Variants in BCAR3 observed in about 807,000 individuals in gnomAD.
BCAR3 encodes breast cancer anti-estrogen resistance protein 3.
Under a neutral mutation model 80.1 loss-of-function variants are expected in BCAR3, and 37 were observed. That is an observed-to-expected ratio of 0.46 (90% CI 0.36 to 0.61). The LOEUF (loss-of-function observed/expected upper bound fraction) is 0.61. Among genes scored for constraint, BCAR3 ranks in the 20% least tolerant of loss-of-function variants. The pLI is 0.00. For synonymous variants in BCAR3, 389 were observed against 418.9 expected (o/e 0.93, Z 0.87); for missense variants, 978 against 1,068.2 (o/e 0.92, Z 1.18).
intron 2 of BCAR3, among the ~76,000 whole-genome samples, chr1:93,816,513 A>G (rs952261270): frequency 1.3e-5 from 2 of 151,738 alleles, no homozygotes; most frequent in African/African-American, 4.8e-5. Flanking sequence ...TCTACTAAAA[A>G]TACAAAAATT....
chr1:93,629,632 T>C (rs1162835206), intron 3 of BCAR3, among the ~76,000 whole-genome samples: 1 of 152,218 alleles, frequency 6.6e-6, no homozygotes, highest in African/African-American at 2.4e-5. Flanking sequence ...AGCCAAATGC[T>C]GAACTGTTGT....
intron 3 of BCAR3, among the ~76,000 whole-genome samples, chr1:93,626,122 T>G (rs1055742875): frequency 2.6e-5 from 4 of 152,238 alleles, no homozygotes; most frequent in Non-Finnish European, 5.9e-5. Flanking sequence ...TTATGTTACA[T>G]AGAGTTAGCA....
intron 2 of BCAR3, among the ~76,000 whole-genome samples, chr1:93,761,638 C>G (rs1242047258): frequency 6.6e-6 from 1 of 152,178 alleles, no homozygotes; most frequent in Non-Finnish European, 1.5e-5. Context: ...CTCAGCCATC[C>G]CAGCTGGGGC....
At chr1:93,822,174 TG>T (rs1283802982) in intron 2 of BCAR3, among the ~76,000 whole-genome samples, 11 of 149,642 alleles carry the variant, frequency 7.4e-5, no homozygotes, top group South Asian at 2.1e-4. Flanking sequence ...ATCTTTGTGA[TG>T]TTTTTTTTTT....
At chr1:93,598,416 A>T (rs924016356) in intron 3 of BCAR3, among the ~76,000 whole-genome samples, 1 of 152,178 alleles carries the variant, frequency 6.6e-6, no homozygotes, top group Non-Finnish European at 1.5e-5. Flanking sequence ...CCTAGTTCCC[A>T]CAGGATTTTA....
intron 2 of BCAR3, among the ~76,000 whole-genome samples, chr1:93,832,000 C>G (rs1306584500): frequency 6.6e-6 from 1 of 152,172 alleles, no homozygotes; most frequent in Non-Finnish European, 1.5e-5. Flanking sequence ...GGCAACAACC[C>G]TTAGATGCTT....
intron 2 of BCAR3, among the ~76,000 whole-genome samples, chr1:93,760,227 A>T (rs757521919): frequency 2.6e-5 from 4 of 152,142 alleles, no homozygotes; most frequent in Admixed American, 1.3e-4. Context: ...CATCTAAGAG[A>T]CAAATAGGGG....
intron 3 of BCAR3, among the ~76,000 whole-genome samples, chr1:93,704,070 T>C (rs1255480030): frequency 6.6e-6 from 1 of 152,240 alleles, no homozygotes; most frequent in Non-Finnish European, 1.5e-5. Context: ...ATTTCCATCA[T>C]CACAGAAATT....
rs189180417 is a variant in BCAR3, at chr1:93,817,383, A to G, written c.-63+28184T>C. Among the ~76,000 whole-genome samples the G allele has an allele frequency of 3.7e-4, 57 of 152,316 alleles. No individual in the cohort carries two copies. The East Asian group carries it at 0.01, about 28-fold the overall frequency. ...GTCACTTCCATGGTTTTTGAAAGCT[A>G]CCATTTATTGAGCACTGTGCTAAGT... On this transcript the variant is annotated intron_variant, in intron 2 of 13. Coordinates refer to the BCAR3 transcript ENST00000370244.
chr1:93,715,262 T>C (rs911700792), intron 2 of BCAR3, among the ~76,000 whole-genome samples: 1 of 152,274 alleles, frequency 6.6e-6, no homozygotes, highest in African/African-American at 2.4e-5. Flanking sequence ...TTTCTTTTTT[T>C]GTTTTGAACA....
intron 2 of BCAR3, chr1:93,753,571 C>T: frequency 6.5e-6 from 1 of 153,460 alleles, no homozygotes; most frequent in Non-Finnish European, 1.4e-5. Flanking sequence ...CACACACACA[C>T]ACACACACAC....
intron 2 of BCAR3, among the ~76,000 whole-genome samples, chr1:93,807,917 C>T (rs1233367723): frequency 1.3e-5 from 2 of 151,806 alleles, no homozygotes; most frequent in African/African-American, 4.8e-5. Flanking sequence ...GACCTGTAGT[C>T]CCAGCTACTT....
At chr1:93,626,687 C>T (rs1675466771) in intron 3 of BCAR3, among the ~76,000 whole-genome samples, 4 of 152,168 alleles carry the variant, frequency 2.6e-5, no homozygotes, top group Admixed American at 2.6e-4. Context: ...AGAAAAATAG[C>T]CAGTTCCACC....
At chr1:93,839,810 A>G (rs1342593483) in intron 2 of BCAR3, among the ~76,000 whole-genome samples, 1 of 152,212 alleles carries the variant, frequency 6.6e-6, no homozygotes, top group African/African-American at 2.4e-5. Flanking sequence ...CAGAAGCCCA[A>G]GTGGAATAAT....
chr1:93,585,679 T>G (rs1673914088), intron 5 of BCAR3, among the ~76,000 whole-genome samples: 1 of 152,170 alleles, frequency 6.6e-6, no homozygotes, highest in African/African-American at 2.4e-5. Flanking sequence ...CCAATCCTAT[T>G]ACTATGAAAA....
At chr1:93,717,136 G>A (rs1018803968) in intron 2 of BCAR3, among the ~76,000 whole-genome samples, 1 of 152,134 alleles carries the variant, frequency 6.6e-6, no homozygotes, top group Non-Finnish European at 1.5e-5. Flanking sequence ...TGTGAATAAG[G>A]CCAGGCTAGG....
At chr1:93,810,684 G>A (rs1378765227) in intron 2 of BCAR3, among the ~76,000 whole-genome samples, 1 of 152,206 alleles carries the variant, frequency 6.6e-6, no homozygotes, top group African/African-American at 2.4e-5. Context: ...TGCCCAGATA[G>A]TACTGGCTAG....
intron 2 of BCAR3, among the ~76,000 whole-genome samples, chr1:93,835,393 C>G (rs1654728296): frequency 1.3e-5 from 2 of 152,320 alleles, no homozygotes; most frequent in African/African-American, 4.8e-5. Context: ...AGCGTTCCAA[C>G]TTCTGTCCCT....
intron 9 of BCAR3, among the ~76,000 whole-genome samples, chr1:93,571,016 C>T (rs1673189107): frequency 6.6e-6 from 1 of 151,894 alleles, no homozygotes; most frequent in Non-Finnish European, 1.5e-5. Context: ...TCAGCCTGGC[C>T]AACATGGCAA....
Sources: gnomAD v4.1 joint callset for allele counts (sites outside exome capture counted in the v4.1 genomes callset) on GRCh38, gnomAD v4.1.1 for gene constraint, MANE v1.5 for transcripts, NCBI Gene and HGNC (gene_info 2026-07-23, HGNC 2026-07-21) for gene names.